TBC1D14: variants seen among roughly 807,000 people sequenced by gnomAD.
The protein encoded by TBC1D14 is TBC1 domain family, member 14.
TBC1D14 carries 26 observed loss-of-function variants against 79.0 expected under a neutral mutation model. That is an observed-to-expected ratio of 0.33 (90% CI 0.24 to 0.46). The LOEUF (loss-of-function observed/expected upper bound fraction) is 0.46, where lower values mean the gene tolerates loss of function less well. Ranked by LOEUF, TBC1D14 falls within the 20% of genes least tolerant of loss-of-function variation. TBC1D14 has a pLI of 1.00. For missense variants in TBC1D14, 769 were observed against 887.6 expected, an observed-to-expected ratio of 0.87 and a Z score of 1.70; for synonymous variants, 394 against 349.9, an observed-to-expected ratio of 1.13 and a Z score of -1.40.
At chr4:6,998,555 T>C (rs1577145778) in intron 5 of TBC1D14, among the ~76,000 whole-genome samples, 1 of 152,022 alleles carries the variant, frequency 6.6e-6, no homozygotes, top group Admixed American at 6.6e-5. Context: ...TCTTTTTTTT[T>C]TGAGGTGTAG....
At chr4:6,994,816 C>T (rs1402352706) in intron 4 of TBC1D14, among the ~76,000 whole-genome samples, 1 of 149,644 alleles carries the variant, frequency 6.7e-6, no homozygotes, top group Non-Finnish European at 1.5e-5. Flanking sequence ...GCCAAGATCA[C>T]ACCATTAATT....
rs1462816498 is a variant in TBC1D14 at position 7,007,577 on chromosome 4, GAA to G, written c.1446+853_1446+854del. The G allele has an allele frequency of 5.4e-6, 7 of 1,289,362 alleles. 1 individual carries two copies. Among genetic ancestry groups the G allele is most frequent in the Middle Eastern group, 2.1e-4 (1 of 4,696 alleles). 79.9% of individuals were successfully genotyped at this position (1,289,362 alleles called of 1,614,324 possible). On this transcript the variant is annotated intron_variant, in intron 9 of 13. Transcript: ENST00000409757. Reference sequence around the variant, plus strand: ...GTCTTCAGAAATCTTTTCAGAAGAGGAAAGAGAGGGAATCTACAAAGCTCCAG... The same window carrying G: ...GTCTTCAGAAATCTTTTCAGAAGAGGAGAGAGGGAATCTACAAAGCTCCAG...
intron 3 of TBC1D14, among the ~76,000 whole-genome samples, chr4:6,989,779 C>G (rs540263970): frequency 6.6e-6 from 1 of 152,140 alleles, no homozygotes; most frequent in African/African-American, 2.4e-5. Context: ...GACTGGGGCT[C>G]TGCTCAGGCA....
intron 3 of TBC1D14, chr4:6,987,248 C>T (rs889529515): frequency 8.8e-6 from 11 of 1,251,558 alleles, no homozygotes; most frequent in African/African-American, 7.8e-5. Flanking sequence ...CCGCCGCGTC[C>T]GCCCGCCCGC....
intron 12 of TBC1D14, among the ~76,000 whole-genome samples, chr4:7,018,985 C>T (rs1018624966): frequency 6.6e-6 from 1 of 152,046 alleles, no homozygotes; most frequent in South Asian, 2.1e-4. Context: ...TTTAATGATC[C>T]TTGGAGATGC....
chr4:6,921,714 T>G (rs1427045734), intron 1 of TBC1D14, among the ~76,000 whole-genome samples: 2 of 120,482 alleles, frequency 1.7e-5, no homozygotes, highest in Non-Finnish European at 3.5e-5. Flanking sequence ...TTTTTTTTTT[T>G]GAGACAGAGT....
At chr4:6,921,090 AAAAT>A (rs1219558912) in intron 1 of TBC1D14, among the ~76,000 whole-genome samples, 11 of 152,152 alleles carry the variant, frequency 7.2e-5, no homozygotes, top group African/African-American at 2.7e-4. Flanking sequence ...ATTTTAAAGA[AAAAT>A]AAAAGATAGC....
intron 13 of TBC1D14, among the ~76,000 whole-genome samples, chr4:7,027,846 CCACA>C (rs369482936): frequency 2.7e-5 from 4 of 145,482 alleles, no homozygotes; most frequent in African/African-American, 7.6e-5. Context: ...ACAGGCATAC[CCACA>C]CACACACAGA....
rs779964898 is a variant in TBC1D14, at chr4:6,967,472, C to T, written c.843+48C>T. Reference sequence around the variant, plus strand: ...GAAATAGGCTGTTGGATGTGTTTAGCATATATTCATGAACCTTGCAAAAAT... The same window carrying T: ...GAAATAGGCTGTTGGATGTGTTTAGTATATATTCATGAACCTTGCAAAAAT... On this transcript the variant is annotated intron_variant, in intron 3 of 13. Transcript: ENST00000409757. 11 of 1,596,774 alleles carry T rather than the reference C, an allele frequency of 6.9e-6. No individual in the cohort carries two copies. The South Asian group carries it at 1.1e-4, about 16-fold the overall frequency.
At chr4:6,937,484 C>G (rs73796398) in intron 2 of TBC1D14, among the ~76,000 whole-genome samples, 3,202 of 117,640 alleles carry the variant, frequency 0.027, 130 homozygotes, top group African/African-American at 0.08. Context: ...TGGGTGGGGG[C>G]ACAAACCCTG....
intron 3 of TBC1D14, among the ~76,000 whole-genome samples, chr4:6,985,921 TTG>T (rs1202054327): frequency 6.6e-6 from 1 of 152,350 alleles, no homozygotes; most frequent in East Asian, 1.9e-4. Context: ...GATCCACTCA[TTG>T]TAAGTGTTCC....
At chr4:7,010,079 GTAAGTGAGT>G in intron 10 of TBC1D14, 131 bp downstream of exon 10, 1 of 997,254 alleles carries the variant, frequency 1.0e-6, no homozygotes, top group South Asian at 1.4e-5. Context: ...AAGTCTCGTG[GTAAGTGAGT>G]TAAGTGAGTT....
intron 2 of TBC1D14, among the ~76,000 whole-genome samples, chr4:6,947,922 A>G (rs1400216995): frequency 1.3e-5 from 2 of 152,198 alleles, no homozygotes; most frequent in African/African-American, 4.8e-5. Flanking sequence ...GGGGATACAA[A>G]GACCAAGTAG....
intron 2 of TBC1D14, among the ~76,000 whole-genome samples, chr4:6,926,403 G>C (rs1261143967): frequency 3.3e-5 from 5 of 152,284 alleles, no homozygotes; most frequent in South Asian, 2.1e-4. Flanking sequence ...AAGCATCGTT[G>C]GTTATGCAAT....
chr4:6,974,595 A>C (rs888484178), intron 3 of TBC1D14, among the ~76,000 whole-genome samples: 2 of 152,168 alleles, frequency 1.3e-5, no homozygotes, highest in African/African-American at 4.8e-5. Flanking sequence ...GGCAGGATGG[A>C]TCCAAAAAGC....
At chr4:6,958,755 C>G (rs920302229) in intron 2 of TBC1D14, among the ~76,000 whole-genome samples, 1 of 152,080 alleles carries the variant, frequency 6.6e-6, no homozygotes, top group East Asian at 1.9e-4. Flanking sequence ...TCTTAATGCC[C>G]TTCCCTGGAA....
At chr4:6,928,237 G>A (rs897371603) in intron 2 of TBC1D14, among the ~76,000 whole-genome samples, 5 of 152,212 alleles carry the variant, frequency 3.3e-5, no homozygotes, top group African/African-American at 1.2e-4. Flanking sequence ...GCTTGTGGCA[G>A]GCTGGGAGGT....
intron 2 of TBC1D14, among the ~76,000 whole-genome samples, chr4:6,960,081 CTTT>C (rs10623660): frequency 1.2e-4 from 16 of 131,286 alleles, no homozygotes; most frequent in Non-Finnish European, 1.7e-4. Flanking sequence ...CCCTGTGCCC[CTTT>C]TTTTTTTTTT....
At chr4:7,007,678 C>T in intron 9 of TBC1D14, 1 of 1,137,626 alleles carries the variant, frequency 8.8e-7, no homozygotes, top group Non-Finnish European at 1.2e-6. Context: ...GTTGACTTAG[C>T]TGGGAGCCTG....
Sources: gnomAD v4.1 joint callset for allele counts (sites outside exome capture counted in the v4.1 genomes callset) on GRCh38, gnomAD v4.1.1 for gene constraint, MANE v1.5 for transcripts, NCBI Gene and HGNC (gene_info 2026-07-23, HGNC 2026-07-21) for gene names.